Variants in ATAD2B observed in about 807,000 individuals in gnomAD.
ATAD2B encodes ATPase family AAA domain-containing protein 2B.
A neutral mutation model predicts 167.6 loss-of-function variants in ATAD2B; 40 were observed. That is an observed-to-expected ratio of 0.24 (90% CI 0.19 to 0.31). The LOEUF (loss-of-function observed/expected upper bound fraction) is 0.31. ATAD2B is among the 10% of genes least tolerant of loss of function. The pLI is 1.00. For missense variants in ATAD2B, 1,242 were observed against 1,757.2 expected, an observed-to-expected ratio of 0.71 and a Z score of 5.24; for synonymous variants, 579 against 596.5, an observed-to-expected ratio of 0.97 and a Z score of 0.43.
At chr2:23,861,478 TA>T (rs201161040) in intron 12 of ATAD2B, among the ~76,000 whole-genome samples, 15,548 of 131,326 alleles carry the variant, frequency 0.12, 856 homozygotes, top group Middle Eastern at 0.18. Context: ...AATCTTTCAT[TA>T]AAAAAAAAAA....
chr2:23,776,881 T>G (rs1679223456), intron 22 of ATAD2B, among the ~76,000 whole-genome samples: 1 of 152,188 alleles, frequency 6.6e-6, no homozygotes. Flanking sequence ...GTAGGGATTG[T>G]GTTTCATATA....
At position 23,922,536 on chromosome 2, in the gene ATAD2B, T is replaced by C. The variant is rs570548501; in HGVS notation, c.216+4019A>G. 2.6e-5 allele frequency among the ~76,000 whole-genome samples: 4 copies of C among 151,994 alleles called. No individual in the cohort carries two copies. In the South Asian group the frequency reaches 8.3e-4, roughly 32 times the overall value. On this transcript the variant is annotated intron_variant, in intron 1 of 27. Coordinates refer to ENST00000238789, the MANE Select transcript of ATAD2B (RefSeq NM_017552.4). ...GAGGGCACAAAGGCAATCTACAGATTAAGAGAAAAATCTGCAAACCATATA... is the reference window on the plus strand; with the variant it reads ...GAGGGCACAAAGGCAATCTACAGATCAAGAGAAAAATCTGCAAACCATATA...
chr2:23,712,604 G>A, the ATAD2B span, among the ~76,000 whole-genome samples: 1 of 152,218 alleles, frequency 6.6e-6, no homozygotes, highest in South Asian at 2.1e-4. Context: ...GGCCCCAAAG[G>A]GAATATCATG....
intron 1 of ATAD2B, among the ~76,000 whole-genome samples, chr2:23,897,785 T>C (rs1700321902): frequency 6.6e-6 from 1 of 152,200 alleles, no homozygotes; most frequent in Non-Finnish European, 1.5e-5. Flanking sequence ...TTTCCCTCTC[T>C]GGCCCTAGAT....
intron 19 of ATAD2B, among the ~76,000 whole-genome samples, chr2:23,791,894 C>CCTA (rs890359103): frequency 6.6e-6 from 1 of 152,054 alleles, no homozygotes; most frequent in African/African-American, 2.4e-5. Flanking sequence ...TGAGTAAGTA[C>CCTA]CTAGAACTTG....
downstream of ATAD2B, among the ~76,000 whole-genome samples, chr2:23,747,585 T>C (rs772432917): frequency 2.6e-5 from 4 of 152,128 alleles, no homozygotes; most frequent in African/African-American, 7.2e-5. Context: ...ATTGGTTCCC[T>C]TCCCAGAACT....
At chr2:23,872,443 C>A in intron 8 of ATAD2B, 1 of 726,916 alleles carries the variant, frequency 1.4e-6, no homozygotes, top group South Asian at 1.4e-5. Flanking sequence ...GCCCCAGAGG[C>A]TGTTGCCATG....
At chr2:23,848,690 A>G (rs2149873395) in intron 13 of ATAD2B, among the ~76,000 whole-genome samples, 1 of 152,358 alleles carries the variant, frequency 6.6e-6, no homozygotes, top group East Asian at 1.9e-4. Context: ...AACAAACTGG[A>G]ATCATAAAAA....
At chr2:23,848,773 T>C (rs939031572) in intron 13 of ATAD2B, among the ~76,000 whole-genome samples, 1 of 152,166 alleles carries the variant, frequency 6.6e-6, no homozygotes, top group African/African-American at 2.4e-5. Flanking sequence ...GAGAAAATCA[T>C]CTAGATGATA....
At chr2:23,816,678 C>A (rs1387031162) in intron 17 of ATAD2B, among the ~76,000 whole-genome samples, 1 of 152,086 alleles carries the variant, frequency 6.6e-6, no homozygotes, top group Non-Finnish European at 1.5e-5. Context: ...CTTCTTTATG[C>A]TCTTCTTTAT....
At chr2:23,888,515 CTT>C in intron 2 of ATAD2B, 116 bp from the exon 3 acceptor site, 2 of 633,584 alleles carry the variant, frequency 3.2e-6, no homozygotes, top group South Asian at 2.7e-5. Flanking sequence ...GTAAAGATAA[CTT>C]TTTTTACTGT....
chr2:23,881,383 T>G (rs1697877269), intron 6 of ATAD2B, among the ~76,000 whole-genome samples: 1 of 63,550 alleles, frequency 1.6e-5, no homozygotes. Context: ...TTTTTTTTTT[T>G]GACACAGAGT....
At chr2:23,909,139 A>ATAAT (rs112303904) in intron 1 of ATAD2B, among the ~76,000 whole-genome samples, 28 of 147,834 alleles carry the variant, frequency 1.9e-4, no homozygotes, top group Admixed American at 4.1e-4. Flanking sequence ...AATAATAATA[A>ATAAT]AAAAAAAAAA....
chr2:23,923,043 G>A (rs1008334064), intron 1 of ATAD2B, among the ~76,000 whole-genome samples: 11 of 152,080 alleles, frequency 7.2e-5, no homozygotes, highest in African/African-American at 2.4e-4. Context: ...GGATTTCGAC[G>A]GACATCTGCA....
chr2:23,830,525 G>A (rs1688880864), intron 14 of ATAD2B, among the ~76,000 whole-genome samples: 1 of 152,008 alleles, frequency 6.6e-6, no homozygotes, highest in African/African-American at 2.4e-5. Flanking sequence ...AGGAATCTGG[G>A]GTCCAGCAAC....
chr2:23,856,971 G>T (rs990718031), intron 13 of ATAD2B, among the ~76,000 whole-genome samples: 2 of 152,082 alleles, frequency 1.3e-5, no homozygotes, highest in African/African-American at 4.8e-5. Flanking sequence ...CACTTTGGGA[G>T]GCTGACTGGG....
chr2:23,738,761 G>A, the ATAD2B span, among the ~76,000 whole-genome samples: 1 of 152,122 alleles, frequency 6.6e-6, no homozygotes, highest in Admixed American at 6.5e-5. Context: ...TGGCAAATTG[G>A]ATAAAGAGTC....
Position 23,788,385 on chromosome 2 carries a change from A to G in ATAD2B, c.2776+127T>C, listed in dbSNP as rs1681141931. 6 of 1,062,008 alleles carry G rather than the reference A, an allele frequency of 5.6e-6. No individual in the cohort carries two copies. In the South Asian group the frequency reaches 7.8e-5, roughly 14 times the overall value. The allele number at this position is 1,062,008 out of a possible 1,614,324, so 65.8% of individuals were successfully genotyped here. The stretch of plus-strand genomic sequence containing the variant: ...CAATGGACACTTCCACACGTCATCT[A>G]AAGATAAACAGAACCTGACAAACTG... On this transcript the variant is annotated intron_variant, in intron 20 of 27. Transcript: ENST00000238789.
At chr2:23,889,588 C>A (rs1699175761) in intron 2 of ATAD2B, among the ~76,000 whole-genome samples, 1 of 152,096 alleles carries the variant, frequency 6.6e-6, no homozygotes, top group Non-Finnish European at 1.5e-5. Flanking sequence ...ATACCCCTGG[C>A]CCAGCAAAGG....
Sources: allele counts gnomAD v4.1 joint callset (sites outside exome capture counted in the v4.1 genomes callset), GRCh38; gene constraint gnomAD v4.1.1; transcripts MANE v1.5; gene names NCBI Gene and HGNC (gene_info 2026-07-23, HGNC 2026-07-21).